PDGFRL: variants seen among roughly 807,000 people sequenced by gnomAD.
PDGFRL encodes platelet-derived growth factor receptor-like protein.
Under a neutral mutation model 37.2 loss-of-function variants are expected in PDGFRL, and 46 were observed. That is an observed-to-expected ratio of 1.24 (90% CI 0.98 to 1.58). The LOEUF (loss-of-function observed/expected upper bound fraction) is 1.58, where lower values mean the gene tolerates loss of function less well. Ranked by LOEUF, PDGFRL falls within the 40% of genes most tolerant of loss-of-function variation. The probability of loss-of-function intolerance (pLI) is 0.00; values close to 1 mark genes in which losing one functional copy is unlikely to be tolerated. For synonymous variants in PDGFRL, 251 were observed against 184.3 expected (o/e 1.36, Z -2.93); for missense variants, 692 against 467.6 (o/e 1.48, Z -4.43).
intron 1 of PDGFRL, among the ~76,000 whole-genome samples, chr8:17,588,515 A>G (rs957945674): frequency 3.3e-5 from 5 of 152,056 alleles, no homozygotes; most frequent in Non-Finnish European, 7.3e-5. Flanking sequence ...CATCTTTAAA[A>G]AAAAAAAATT....
chr8:17,614,831 C>G lies in PDGFRL; in HGVS notation c.354-6220C>G, dbSNP rs17124939. ...TTCAAAGCAGAAAATCTTTGTTTAT[C>G]TACCTGAGGCACCCTGGGAAAGTTG... On this transcript the variant is annotated intron_variant, in intron 2 of 5. Transcript: ENST00000251630. Among the ~76,000 whole-genome samples the G allele has an allele frequency of 7.4e-3, 1,121 of 152,300 alleles. 21 individuals carry two copies. The highest frequency in any genetic ancestry group is 0.026 in the African/African-American group (1,071 of 41,564).
chr8:17,631,809 T>G (rs1804867155), intron 4 of PDGFRL, among the ~76,000 whole-genome samples: 2 of 152,124 alleles, frequency 1.3e-5, no homozygotes, highest in Admixed American at 6.5e-5. Context: ...CCCACAGCTT[T>G]CTCACTCTTC....
intron 2 of PDGFRL, among the ~76,000 whole-genome samples, chr8:17,590,305 C>G (rs1446007692): frequency 2.1e-5 from 3 of 146,184 alleles, no homozygotes; most frequent in Non-Finnish European, 3.0e-5. Context: ...TTACAGGAAA[C>G]CATGTGACAA....
chr8:17,638,257 C>G lies in PDGFRL; in HGVS notation c.939+4044C>G, dbSNP rs142976475. Among the ~76,000 whole-genome samples, 358 of 152,208 alleles carry G rather than the reference C, an allele frequency of 2.4e-3. 9 individuals carry two copies. The East Asian group carries it at 0.061, about 26-fold the overall frequency. The stretch of plus-strand genomic sequence containing the variant: ...GATAGGTTGTGCTACTATTTTCATT[C>G]AGTTCAAATAATTTTTTAACTTCCA... On this transcript the variant is annotated intron_variant, in intron 5 of 5. Transcript: ENST00000251630.
chr8:17,595,673 C>T (rs1463795084), intron 2 of PDGFRL, among the ~76,000 whole-genome samples: 1 of 152,182 alleles, frequency 6.6e-6, no homozygotes, highest in Non-Finnish European at 1.5e-5. Context: ...TTCCCTACTA[C>T]CCGCCCCTTT....
At position 17,628,778 on chromosome 8, in the gene PDGFRL, C is replaced by G; in HGVS notation, c.797C>G (p.Ala266Gly). 1 of 1,611,514 alleles carries G rather than the reference C, an allele frequency of 6.2e-7. No homozygotes were observed. Among genetic ancestry groups the G allele is most frequent in the Admixed American group, 1.7e-5 (1 of 60,000 alleles). The change falls in exon 4 of 6, where the codon GCG (alanine) becomes GGG (glycine). Residue 266 changes from alanine (A) to glycine (G), a missense_variant and splice_region_variant. Physicochemically the swap from Ala to Gly is moderately conservative, Grantham distance 60 (BLOSUM62 0). Transcript: ENST00000251630. ...ISVKYQLLYV[A>G]VPSGPPSTTI... ...GTCAAGTACCAGCTGCTCTATGTGG[C>G]GGGTAAGCCTGGCCACCCCTGCCTA...
intron 2 of PDGFRL, among the ~76,000 whole-genome samples, chr8:17,593,375 T>C (rs1367143302): frequency 6.7e-6 from 1 of 149,446 alleles, no homozygotes; most frequent in Non-Finnish European, 1.5e-5. Context: ...GCGGATCACT[T>C]GAACCCAGGA....
At chr8:17,594,835 C>A (rs1804018458) in intron 2 of PDGFRL, among the ~76,000 whole-genome samples, 1 of 152,340 alleles carries the variant, frequency 6.6e-6, no homozygotes, top group East Asian at 1.9e-4. Flanking sequence ...GCCACTGTGC[C>A]TGGCCTAGAC....
chr8:17,576,525 G>A (rs1803583208), upstream of PDGFRL: 1 of 157,062 alleles, frequency 6.4e-6, no homozygotes, highest in Non-Finnish European at 1.4e-5. Context: ...TTTTGCTTCT[G>A]CGAACTGGCT....
intron 1 of PDGFRL, among the ~76,000 whole-genome samples, chr8:17,578,656 C>A (rs1803639798): frequency 6.6e-6 from 1 of 152,130 alleles, no homozygotes; most frequent in Non-Finnish European, 1.5e-5. Context: ...TCAAATCAGC[C>A]ATTCCTTTGT....
chr8:17,632,473 G>T (rs1804883260), intron 4 of PDGFRL, among the ~76,000 whole-genome samples: 1 of 151,956 alleles, frequency 6.6e-6, no homozygotes, highest in South Asian at 2.1e-4. Context: ...CAGTATCTGG[G>T]ATTACAGGCA....
chr8:17,591,330 C>A (rs937859083), intron 2 of PDGFRL, among the ~76,000 whole-genome samples: 1 of 152,102 alleles, frequency 6.6e-6, no homozygotes, highest in African/African-American at 2.4e-5. Context: ...ATGGTGACAG[C>A]GGCAAGTGTG....
At chr8:17,588,875 A>G (rs546560638) in intron 1 of PDGFRL, among the ~76,000 whole-genome samples, 33 of 152,286 alleles carry the variant, frequency 2.2e-4, no homozygotes, top group Admixed American at 3.9e-4. Context: ...GACGGTGTGA[A>G]CTACAGGCAG....
intron 1 of PDGFRL, among the ~76,000 whole-genome samples, chr8:17,581,995 C>T (rs1803717791): frequency 6.6e-6 from 1 of 152,046 alleles, no homozygotes; most frequent in African/African-American, 2.4e-5. Context: ...CAGAAGAAAA[C>T]AGCAAGAGGA....
intron 1 of PDGFRL, among the ~76,000 whole-genome samples, chr8:17,580,862 A>AT (rs1353432401): frequency 5.3e-5 from 8 of 151,480 alleles, no homozygotes; most frequent in African/African-American, 1.5e-4. Context: ...ACCCCTTGGC[A>AT]TTTTTTTTAG....
intron 2 of PDGFRL, among the ~76,000 whole-genome samples, chr8:17,594,587 C>G (rs1018451886): frequency 6.6e-6 from 1 of 151,536 alleles, no homozygotes; most frequent in Non-Finnish European, 1.5e-5. Context: ...TGGAGTCTTG[C>G]TCTGTCACCC....
chr8:17,580,142 C>G (rs1803675056), intron 1 of PDGFRL, among the ~76,000 whole-genome samples: 1 of 152,120 alleles, frequency 6.6e-6, no homozygotes, highest in Non-Finnish European at 1.5e-5. Context: ...CTAATCTGGT[C>G]TTCAGTAACC....
chr8:17,606,644 C>T (rs759230492), intron 2 of PDGFRL, among the ~76,000 whole-genome samples: 2 of 152,114 alleles, frequency 1.3e-5, no homozygotes, highest in African/African-American at 2.4e-5. Flanking sequence ...CCCCAGTGTA[C>T]TCAATGTTCT....
intron 5 of PDGFRL, among the ~76,000 whole-genome samples, chr8:17,634,842 G>T (rs34099577): frequency 6.6e-6 from 1 of 152,138 alleles, no homozygotes; most frequent in Non-Finnish European, 1.5e-5. Flanking sequence ...GGAGGGAGAA[G>T]ATCGGGCAAA....
Sources: allele counts gnomAD v4.1 joint callset (sites outside exome capture counted in the v4.1 genomes callset), GRCh38; gene constraint gnomAD v4.1.1; transcripts MANE v1.5; gene names NCBI Gene and HGNC (gene_info 2026-07-23, HGNC 2026-07-21).